MAP3K20: variants seen among roughly 807,000 people sequenced by gnomAD.
The protein encoded by MAP3K20 is mitogen-activated protein kinase kinase kinase 20, also known as HCCS-4.
In MAP3K20, 40 loss-of-function variants were observed where a neutral mutation model predicts 85.7. The observed-to-expected ratio is 0.47, with a 90% CI of 0.36 to 0.61. MAP3K20 has a LOEUF of 0.61. Ranked by LOEUF, MAP3K20 falls within the 20% of genes least tolerant of loss-of-function variation. The pLI is 0.00. For missense variants in MAP3K20, 817 were observed against 961.7 expected, an observed-to-expected ratio of 0.85 and a Z score of 1.99; for synonymous variants, 325 against 327.7, an observed-to-expected ratio of 0.99 and a Z score of 0.09.
chr2:173,224,877 T>C (rs1481808844), intron 11 of MAP3K20: 11 of 985,258 alleles, frequency 1.1e-5, no homozygotes, highest in Middle Eastern at 5.2e-4. Context: ...AATGATGATA[T>C]TGTACAGCTT....
chr2:173,179,391 CAAAAA>C (rs56111907), intron 3 of MAP3K20, among the ~76,000 whole-genome samples: 3 of 129,484 alleles, frequency 2.3e-5, no homozygotes, highest in African/African-American at 9.1e-5. Context: ...GACTCCATCT[CAAAAA>C]AAAAAAAAAA....
In MAP3K20 at chr2:173,267,463, A is replaced by C. The variant is rs1172479895; in HGVS notation, c.*713A>C. 1 of 152,184 alleles carries C rather than the reference A, an allele frequency of 6.6e-6. No individual in the cohort carries two copies. Among genetic ancestry groups the C allele is most frequent in the Non-Finnish European group, 1.5e-5 (1 of 68,046 alleles). 9.4% of individuals were successfully genotyped at this position (152,184 alleles called of 1,614,324 possible). ...AGATATTTGTGTCTGTATGATGGTC[A>C]GAGTTGAACTGATCTGGCTTGTCAT... On this transcript the variant is annotated 3_prime_UTR_variant, in exon 20 of 20. Transcript: ENST00000375213.
rs376657542 is a variant in MAP3K20, at chr2:173,134,112, C to T, written c.160-35693C>T. Among the ~76,000 whole-genome samples the T allele has an allele frequency of 2.8e-4, 43 of 150,934 alleles. No individual in the cohort carries two copies. The East Asian group carries it at 6.8e-3, about 24-fold the overall frequency. On this transcript the variant is annotated intron_variant, in intron 2 of 19. Transcript: ENST00000375213. ...CTCAGTATGGGATTATTTTCTACATCATCTGGTAATCTGCATATTTTAAAT... is the reference window on the plus strand; with the variant it reads ...CTCAGTATGGGATTATTTTCTACATTATCTGGTAATCTGCATATTTTAAAT...
At chr2:173,235,322 T>C (rs1684623210) in intron 14 of MAP3K20, among the ~76,000 whole-genome samples, 1 of 152,164 alleles carries the variant, frequency 6.6e-6, no homozygotes, top group African/African-American at 2.4e-5. Context: ...AATGAGGTAT[T>C]TGGGAACAGG....
Position 173,234,141 on chromosome 2 carries a change from CTCCCACCTCCCCT to C in MAP3K20, c.1203+1691_1203+1703del, listed in dbSNP as rs3835822. Among the ~76,000 whole-genome samples, 7,435 of 152,182 alleles carry C rather than the reference CTCCCACCTCCCCT, an allele frequency of 0.049. 918 individuals are homozygous for C. The East Asian group carries it at 0.55, about 11-fold the overall frequency. On this transcript the variant is annotated intron_variant, in intron 14 of 19. Coordinates refer to ENST00000375213, the MANE Select transcript of MAP3K20 (RefSeq NM_016653.3). Reference sequence around the variant, plus strand: ...TATTTGGCAGATGCCAAATAAGATGCTCCCACCTCCCCTTCCCACCTGCCATCTTTGAAAAGGC... The same window carrying C: ...TATTTGGCAGATGCCAAATAAGATGCTCCCACCTGCCATCTTTGAAAAGGC...
intron 17 of MAP3K20, among the ~76,000 whole-genome samples, chr2:173,259,689 T>C (rs1685241129): frequency 6.6e-6 from 1 of 152,192 alleles, no homozygotes; most frequent in African/African-American, 2.4e-5. Flanking sequence ...ACCAAGTCCT[T>C]TTAATTTGCA....
chr2:173,266,577 C>A lies in MAP3K20; in HGVS notation c.2230C>A (p.Pro744Thr). Residue 744 changes from proline to threonine, a missense_variant, in exon 20 of 20, where the codon CCA (proline) becomes ACA (threonine). Physicochemically the swap from Pro to Thr is conservative, Grantham distance 38. This residue lies in a region of MAP3K20 where 454 missense variants were observed against 476.9 expected (regional missense o/e 0.95). Coordinates refer to ENST00000375213, the MANE Select transcript of MAP3K20 (RefSeq NM_016653.3). ...PRDLHQPNTI[P>T]GMPLHPETDS... Reference sequence around the variant, plus strand: ...GGACCTCCACCAACCCAACACCATACCAGGGATGCCTTTGCACCCTGAGAC... The same window carrying A: ...GGACCTCCACCAACCCAACACCATAACAGGGATGCCTTTGCACCCTGAGAC... The A allele has an allele frequency of 6.2e-7, 1 of 1,613,836 alleles. No homozygotes were observed. Among genetic ancestry groups the A allele is most frequent in the Non-Finnish European group, 8.5e-7 (1 of 1,179,936 alleles).
rs1689947576 is a variant in MAP3K20, at chr2:173,169,799, G to A, written c.160-6G>A. ...TATGCAACTTTGCATTTTATTTTTT[G>A]TACAGGCAGAAATACTCAGTGTCCT... is the stretch of plus-strand genomic sequence containing the variant. On this transcript the variant is annotated splice_polypyrimidine_tract_variant and splice_region_variant and intron_variant, in intron 2 of 19. Coordinates refer to ENST00000375213, the MANE Select transcript of MAP3K20 (RefSeq NM_016653.3). 1 of 1,607,024 alleles carries A rather than the reference G, an allele frequency of 6.2e-7. No homozygotes were observed. Among genetic ancestry groups the A allele is most frequent in the Non-Finnish European group, 8.5e-7 (1 of 1,177,780 alleles).
chr2:173,195,708 G>A (rs1463631529), intron 7 of MAP3K20, among the ~76,000 whole-genome samples: 1 of 152,010 alleles, frequency 6.6e-6, no homozygotes, highest in Non-Finnish European at 1.5e-5. Flanking sequence ...CAAATCCAGG[G>A]AATTAATAAA....
At chr2:173,088,180 C>T (rs952378940) in intron 1 of MAP3K20, among the ~76,000 whole-genome samples, 1 of 151,916 alleles carries the variant, frequency 6.6e-6, no homozygotes, top group African/African-American at 2.4e-5. Context: ...CAAACAACAA[C>T]AAAAAAGCAA....
intron 2 of MAP3K20, among the ~76,000 whole-genome samples, chr2:173,131,862 C>T (rs1026799875): frequency 3.3e-5 from 5 of 152,160 alleles, no homozygotes; most frequent in African/African-American, 1.2e-4. Flanking sequence ...GCAAGGTTGG[C>T]AGCTAACTGG....
chr2:173,221,348 A>T, intron 11 of MAP3K20: 1 of 1,614,018 alleles, frequency 6.2e-7, no homozygotes, highest in Non-Finnish European at 8.5e-7. Context: ...AGGAGCTGTG[A>T]TGCATTCTGG....
chr2:173,223,693 G>A, intron 11 of MAP3K20: 1 of 985,356 alleles, frequency 1.0e-6, no homozygotes, highest in Non-Finnish European at 1.2e-6. Context: ...AAAAACAGTA[G>A]ATAAATCTCT....
intron 2 of MAP3K20, chr2:173,166,805 C>A (rs887626182): frequency 6.6e-6 from 1 of 151,988 alleles, no homozygotes; most frequent in Non-Finnish European, 1.5e-5. Flanking sequence ...TTTTGATGCG[C>A]AGCTCATTTG....
intron 2 of MAP3K20, among the ~76,000 whole-genome samples, chr2:173,143,804 C>G (rs2106217046): frequency 6.6e-6 from 1 of 152,202 alleles, no homozygotes; most frequent in South Asian, 2.1e-4. Context: ...AATACTAGGA[C>G]TGATCAATTT....
At chr2:173,093,299 G>T (rs1687355041) in intron 2 of MAP3K20, among the ~76,000 whole-genome samples, 1 of 152,156 alleles carries the variant, frequency 6.6e-6, no homozygotes, top group Admixed American at 6.5e-5. Flanking sequence ...TCACTTGGTT[G>T]TTTTTTGCCA....
At chr2:173,215,278 C>T (rs922295535) in intron 10 of MAP3K20, among the ~76,000 whole-genome samples, 2 of 152,344 alleles carry the variant, frequency 1.3e-5, no homozygotes, top group Admixed American at 6.5e-5. Flanking sequence ...GGGCACCCAG[C>T]TCCACCACCT....
chr2:173,221,469 G>GTGACGATGA (rs1260770273), intron 11 of MAP3K20: 10 of 1,611,614 alleles, frequency 6.2e-6, no homozygotes, highest in Middle Eastern at 1.6e-4. Flanking sequence ...TTGTCAGAAG[G>GTGACGATGA]TGACGATGAT....
intron 16 of MAP3K20, among the ~76,000 whole-genome samples, chr2:173,241,842 A>G (rs1182041616): frequency 6.6e-6 from 1 of 152,184 alleles, no homozygotes; most frequent in East Asian, 1.9e-4. Flanking sequence ...GGTTTCTTAC[A>G]TAAGAATAGT....
Sources: gnomAD v4.1 joint callset for allele counts (sites outside exome capture counted in the v4.1 genomes callset) on GRCh38, gnomAD v4.1.1 for gene constraint, gnomAD v4.1.1 regional missense constraint, MANE v1.5 for transcripts, NCBI Gene and HGNC (gene_info 2026-07-23, HGNC 2026-07-21) for gene names.